Variants in NEK11 observed in about 807,000 individuals in gnomAD.
NEK11 encodes serine/threonine-protein kinase Nek11.
A neutral mutation model predicts 80.7 loss-of-function variants in NEK11; 72 were observed. That is an observed-to-expected ratio of 0.89 (90% CI 0.74 to 1.08). The LOEUF (loss-of-function observed/expected upper bound fraction) is 1.08. Ranked by LOEUF, NEK11 falls within the 50% of genes least tolerant of loss-of-function variation. The pLI, the probability that NEK11 is intolerant of heterozygous loss-of-function variation, is 0.00. For synonymous variants in NEK11, 251 were observed against 260.7 expected, an observed-to-expected ratio of 0.96 and a Z score of 0.36; for missense variants, 764 against 763.6, an observed-to-expected ratio of 1.00 and a Z score of -0.01.
intron 3 of NEK11, among the ~76,000 whole-genome samples, chr3:131,061,654 G>T (rs573648083): frequency 6.6e-6 from 1 of 152,106 alleles, no homozygotes; most frequent in Admixed American, 6.5e-5. Flanking sequence ...TAATACATAT[G>T]TATCCTCCTT....
In NEK11 at chr3:131,272,463, C is replaced by CTTTTTTTTTTTTTTTTTTTT. The variant is rs869304359; in HGVS notation, c.1622-1004_1622-985dup. 1.1e-3 allele frequency among the ~76,000 whole-genome samples: 49 copies of CTTTTTTTTTTTTTTTTTTTT among 43,898 alleles called. 9 individuals are homozygous for CTTTTTTTTTTTTTTTTTTTT. The highest frequency in any genetic ancestry group is 2.8e-3 in the East Asian group (3 of 1,068). The allele number at this position is 43,898 out of a possible 152,430, so 28.8% of individuals were successfully genotyped here. On this transcript the variant is annotated intron_variant, in intron 16 of 17. Transcript: ENST00000383366. ...CTTGCTAATGGGCCAGTTTTAGCTTCTTTTTTTTTTTTTTTTTTTTTTTTT... is the reference window on the plus strand; with the variant it reads ...CTTGCTAATGGGCCAGTTTTAGCTTCTTTTTTTTTTTTTTTTTTTTTTTTTTTTTTTTTTTTTTTTTTTTT...
intron 17 of NEK11, 100 bp downstream of exon 17, chr3:131,273,674 C>A: frequency 1.2e-6 from 1 of 855,604 alleles, no homozygotes. Context: ...TCCATTTGTG[C>A]TGCCGTGACA....
chr3:131,291,798 T>C (rs764047841), intron 17 of NEK11, among the ~76,000 whole-genome samples: 3 of 152,196 alleles, frequency 2.0e-5, no homozygotes, highest in Non-Finnish European at 2.9e-5. Flanking sequence ...TTGTTTGTTA[T>C]CTTATTGTTG....
At chr3:131,046,187 T>C (rs1170729432) in intron 3 of NEK11, among the ~76,000 whole-genome samples, 1 of 152,238 alleles carries the variant, frequency 6.6e-6, no homozygotes, top group Non-Finnish European at 1.5e-5. Flanking sequence ...TCATTGTTTT[T>C]GTTTTATCGG....
intron 14 of NEK11, among the ~76,000 whole-genome samples, chr3:131,227,110 A>C (rs182300064): frequency 6.1e-4 from 92 of 151,806 alleles, no homozygotes; most frequent in African/African-American, 2.0e-3. Flanking sequence ...TCCCTAGTAC[A>C]CTGCTTTCTA....
intron 17 of NEK11, among the ~76,000 whole-genome samples, chr3:131,317,757 C>G (rs542353368): frequency 1.8e-5 from 1 of 54,768 alleles, no homozygotes; most frequent in Non-Finnish European, 3.5e-5. Flanking sequence ...TCTCTACCCC[C>G]ACCCAAGAAG....
At chr3:131,139,597 T>C (rs1342150146) in intron 7 of NEK11, among the ~76,000 whole-genome samples, 1 of 152,220 alleles carries the variant, frequency 6.6e-6, no homozygotes, top group African/African-American at 2.4e-5. Context: ...CAAATTCATA[T>C]ACTCCTGTTT....
At chr3:131,260,160 A>G (rs1045729642) in intron 16 of NEK11, among the ~76,000 whole-genome samples, 3 of 151,846 alleles carry the variant, frequency 2.0e-5, no homozygotes, top group Non-Finnish European at 4.4e-5. Flanking sequence ...CCAAATTTCA[A>G]CCTTTTAGAG....
intron 15 of NEK11, among the ~76,000 whole-genome samples, chr3:131,229,013 C>A (rs908066437): frequency 2.0e-5 from 3 of 152,162 alleles, no homozygotes; most frequent in Non-Finnish European, 4.4e-5. Flanking sequence ...GCAAATATCT[C>A]TTTAGCAGAG....
At chr3:131,129,687 C>T (rs1031764784) in intron 5 of NEK11, among the ~76,000 whole-genome samples, 8 of 152,160 alleles carry the variant, frequency 5.3e-5, no homozygotes, top group Admixed American at 4.6e-4. Flanking sequence ...TGTTCCAGCA[C>T]CATTTGTTGA....
chr3:131,042,924 C>T (rs899873211), intron 3 of NEK11, among the ~76,000 whole-genome samples: 3 of 152,186 alleles, frequency 2.0e-5, no homozygotes, highest in African/African-American at 7.2e-5. Flanking sequence ...GAACAGGCAG[C>T]AATCTTTGCT....
At chr3:131,051,668 A>C (rs2110031886) in intron 3 of NEK11, among the ~76,000 whole-genome samples, 1 of 152,224 alleles carries the variant, frequency 6.6e-6, no homozygotes, top group East Asian at 1.9e-4. Flanking sequence ...AATTTTTAAA[A>C]CCTTTAAAAA....
At chr3:131,301,496 G>A (rs540220708) in intron 17 of NEK11, among the ~76,000 whole-genome samples, 33 of 151,354 alleles carry the variant, frequency 2.2e-4, no homozygotes, top group African/African-American at 7.3e-4. Flanking sequence ...TGTTCAGTAT[G>A]ATGTTGGCTG....
intron 14 of NEK11, among the ~76,000 whole-genome samples, chr3:131,219,504 C>G (rs1459512831): frequency 1.3e-5 from 2 of 151,502 alleles, no homozygotes; most frequent in African/African-American, 4.9e-5. Flanking sequence ...GCGTGTGTAT[C>G]CATGGAACAA....
chr3:131,166,025 C>T (rs957419188), intron 12 of NEK11, among the ~76,000 whole-genome samples: 4 of 152,140 alleles, frequency 2.6e-5, no homozygotes, highest in South Asian at 2.1e-4. Context: ...CATGAAATGA[C>T]CCCAAATTCA....
rs193062307 is a variant in NEK11 at position 131,166,329 on chromosome 3, G to A, written c.1176+810G>A. ...GCACCAAGCTCCCTGAGGCTGTGGG[G>A]ACAATCCCCCAAGCCCCAGGGATGC... On this transcript the variant is annotated intron_variant, in intron 12 of 17. Coordinates refer to ENST00000383366, the MANE Select transcript of NEK11 (RefSeq NM_024800.5). Among the ~76,000 whole-genome samples the A allele has an allele frequency of 2.4e-3, 361 of 152,326 alleles. 1 individual carries two copies. The highest frequency in any genetic ancestry group is 2.7e-3 in the Non-Finnish European group (187 of 68,038).
intron 5 of NEK11, among the ~76,000 whole-genome samples, chr3:131,112,862 G>A (rs963880364): frequency 7.2e-5 from 11 of 152,158 alleles, no homozygotes; most frequent in African/African-American, 2.7e-4. Context: ...TGTTTGCAAA[G>A]GTAGGCTGAG....
chr3:131,082,475 C>T (rs2075409559), intron 4 of NEK11, among the ~76,000 whole-genome samples: 1 of 152,204 alleles, frequency 6.6e-6, no homozygotes, highest in South Asian at 2.1e-4. Flanking sequence ...ACTTTCTGTG[C>T]TGATGGAAAT....
At chr3:131,301,674 C>G (rs1258185600) in intron 17 of NEK11, among the ~76,000 whole-genome samples, 4 of 151,970 alleles carry the variant, frequency 2.6e-5, no homozygotes, top group African/African-American at 9.7e-5. Context: ...TGTGGTGAAT[C>G]ACATTTATTG....
Sources: allele counts gnomAD v4.1 joint callset (sites outside exome capture counted in the v4.1 genomes callset), GRCh38; gene constraint gnomAD v4.1.1; transcripts MANE v1.5; gene names NCBI Gene and HGNC (gene_info 2026-07-23, HGNC 2026-07-21).